The following TRAM2 variants were observed in gnomAD, a reference collection of about 807,000 sequenced individuals.
TRAM2 encodes translocation associated membrane protein 2.
Under a neutral mutation model 51.0 loss-of-function variants are expected in TRAM2, and 12 were observed. The observed-to-expected ratio is 0.24, with a 90% CI of 0.15 to 0.38. The LOEUF is 0.38. TRAM2 is among the 10% of genes least tolerant of loss of function. TRAM2 has a pLI of 1.00. For missense variants in TRAM2, 361 were observed against 462.0 expected (o/e 0.78, Z 2.00); for synonymous variants, 175 against 179.4 (o/e 0.98, Z 0.20).
chr6:52,539,107 C>T (rs1407013694), intron 1 of TRAM2, among the ~76,000 whole-genome samples: 3 of 152,230 alleles, frequency 2.0e-5, no homozygotes, highest in African/African-American at 7.2e-5. Context: ...CCATGAGGCA[C>T]ATCATAGTCA....
chr6:52,504,049 G>A (rs1410408885), intron 10 of TRAM2, among the ~76,000 whole-genome samples: 1 of 152,202 alleles, frequency 6.6e-6, no homozygotes, highest in Non-Finnish European at 1.5e-5. Context: ...CAGGGCCTGA[G>A]GACCTGCTGA....
rs372532134 is a variant in TRAM2 at position 52,567,472 on chromosome 6, T to C, written c.120+9324A>G. On this transcript the variant is annotated intron_variant, in intron 1 of 10. Coordinates refer to ENST00000182527, the MANE Select transcript of TRAM2 (RefSeq NM_012288.4). ...AATAAAATAAAACTCAATGGCCAAA[T>C]GGTTGAATAGTGTTGAATGTAGATA... Among the ~76,000 whole-genome samples the C allele has an allele frequency of 4.6e-5, 7 of 152,332 alleles. No individual in the cohort carries two copies. The East Asian group carries it at 1.3e-3, about 29-fold the overall frequency.
intron 2 of TRAM2, among the ~76,000 whole-genome samples, chr6:52,517,885 CG>C (rs1452694502): frequency 6.6e-6 from 1 of 152,046 alleles, no homozygotes; most frequent in Non-Finnish European, 1.5e-5. Flanking sequence ...GAGAATGTAA[CG>C]GTGGGCAGTG....
At chr6:52,520,678 C>T (rs1033446690) in intron 2 of TRAM2, among the ~76,000 whole-genome samples, 14 of 152,234 alleles carry the variant, frequency 9.2e-5, no homozygotes, top group Admixed American at 9.2e-4. Context: ...AGTTAAGGGA[C>T]ACAGTCCGTT....
chr6:52,550,954 C>T (rs1187956478), intron 1 of TRAM2, among the ~76,000 whole-genome samples: 2 of 152,186 alleles, frequency 1.3e-5, no homozygotes, highest in African/African-American at 4.8e-5. Context: ...GCAGACAAAT[C>T]GCCACTCTTT....
intron 1 of TRAM2, among the ~76,000 whole-genome samples, chr6:52,559,053 G>T (rs1767455190): frequency 6.6e-6 from 1 of 152,338 alleles, no homozygotes; most frequent in African/African-American, 2.4e-5. Context: ...TCTGTGGAAT[G>T]TTACTATACA....
intron 2 of TRAM2, among the ~76,000 whole-genome samples, chr6:52,531,236 T>G (rs917894487): frequency 2.6e-5 from 4 of 152,158 alleles, no homozygotes; most frequent in Non-Finnish European, 2.9e-5. Context: ...AAGTGTTTTT[T>G]CCCATGAGAA....
At position 52,497,931 on chromosome 6, in the gene TRAM2, T is replaced by G. The variant is rs564587199; in HGVS notation, c.*5266A>C. ...TCCTCTCCACGTGAACAAGTAGCTC[T>G]AGAGTGCTTTTAGGCAGAGTGACGG... On this transcript the variant is annotated 3_prime_UTR_variant, in exon 11 of 11. Coordinates refer to ENST00000182527, the MANE Select transcript of TRAM2 (RefSeq NM_012288.4). 1 of 152,358 alleles carries G rather than the reference T, an allele frequency of 6.6e-6. No individual in the cohort carries two copies. The highest frequency in any genetic ancestry group is 6.5e-5 in the Admixed American group (1 of 15,310). The allele number at this position is 152,358 out of a possible 1,614,324, so 9.4% of individuals were successfully genotyped here.
At chr6:52,536,428 C>T (rs1766978388) in intron 1 of TRAM2, among the ~76,000 whole-genome samples, 1 of 152,180 alleles carries the variant, frequency 6.6e-6, no homozygotes, top group Non-Finnish European at 1.5e-5. Context: ...CCTTTAAAAT[C>T]TTAGTTGTGC....
At chr6:52,506,768 C>G (rs1192115169) in intron 7 of TRAM2, among the ~76,000 whole-genome samples, 1 of 152,176 alleles carries the variant, frequency 6.6e-6, no homozygotes, top group Non-Finnish European at 1.5e-5. Context: ...CTACAGGCCA[C>G]CAGAGACAGG....
At chr6:52,516,461 T>C in intron 3 of TRAM2, 167 bp downstream of exon 3, 1 of 634,064 alleles carries the variant, frequency 1.6e-6, no homozygotes, top group Non-Finnish European at 2.8e-6. Flanking sequence ...AAGGAGGCTG[T>C]GAACAGAAAC....
chr6:52,503,930 A>G (rs986033830), intron 10 of TRAM2, among the ~76,000 whole-genome samples: 3 of 152,142 alleles, frequency 2.0e-5, no homozygotes, highest in African/African-American at 4.8e-5. Context: ...TGGTTCAAAC[A>G]CACATAAGCC....
chr6:52,505,977 G>T, intron 8 of TRAM2, 55 bp downstream of exon 8: 2 of 1,587,928 alleles, frequency 1.3e-6, no homozygotes, highest in South Asian at 1.1e-5. Context: ...TCCGGGCCTC[G>T]GGGGAACCCC....
intron 1 of TRAM2, among the ~76,000 whole-genome samples, chr6:52,540,358 T>C (rs1398948609): frequency 1.3e-5 from 2 of 152,000 alleles, no homozygotes; most frequent in African/African-American, 4.8e-5. Context: ...ACACAAAAAA[T>C]ATGCATTTTA....
intron 1 of TRAM2, among the ~76,000 whole-genome samples, chr6:52,563,882 T>G (rs1246488961): frequency 1.6e-5 from 2 of 126,222 alleles, no homozygotes; most frequent in African/African-American, 6.0e-5. Context: ...TGAATGTATC[T>G]CCTAATGGTA....
chr6:52,543,610 A>G (rs1016594106), intron 1 of TRAM2, among the ~76,000 whole-genome samples: 1 of 152,242 alleles, frequency 6.6e-6, no homozygotes, highest in East Asian at 1.9e-4. Flanking sequence ...AGATTAGGTA[A>G]TATTTTAGAC....
rs780476024 is a variant in TRAM2 at position 52,508,269 on chromosome 6, C to T, written c.520G>A (p.Ala174Thr). ...TTCTGGAAGTATAGCTCAGGAAGTGCGTGCAGCCAGTAGGCCAGCTGGCAT... is the reference window on the plus strand; with the variant it reads ...TTCTGGAAGTATAGCTCAGGAAGTGTGTGCAGCCAGTAGGCCAGCTGGCAT... ...YLCQLAYWLH[A>T]LPELYFQKVR... The change falls in exon 6 of 11, where the codon GCA becomes ACA. Residue 174 changes from alanine (A) to threonine (T), a missense_variant. Physicochemically the swap from Ala to Thr is moderately conservative, Grantham distance 58. Transcript: ENST00000182527. 11 of 1,614,044 alleles carry T rather than the reference C, an allele frequency of 6.8e-6. No individual in the cohort carries two copies. Among genetic ancestry groups the T allele is most frequent in the South Asian group, 1.1e-5 (1 of 91,066 alleles).
At position 52,520,949 on chromosome 6, in the gene TRAM2, C is replaced by A. The variant is rs565402821; in HGVS notation, c.185-4212G>T. Reference sequence around the variant, plus strand: ...TGTTTTGTTTTTTGAGACAGAGTCACCCAGGCTGGAGTGTAATGGCGCAGT... The same window carrying A: ...TGTTTTGTTTTTTGAGACAGAGTCAACCAGGCTGGAGTGTAATGGCGCAGT... On this transcript the variant is annotated intron_variant, in intron 2 of 10. Transcript: ENST00000182527. Among the ~76,000 whole-genome samples, 17 of 152,306 alleles carry A rather than the reference C, an allele frequency of 1.1e-4. No individual in the cohort carries two copies. The South Asian group carries it at 3.5e-3, about 32-fold the overall frequency.
chr6:52,537,324 G>C (rs752055176), intron 1 of TRAM2, among the ~76,000 whole-genome samples: 1 of 152,274 alleles, frequency 6.6e-6, no homozygotes, highest in Admixed American at 6.5e-5. Context: ...CTTTGGTCAA[G>C]ACCTTTTTCA....
Sources: allele counts gnomAD v4.1 joint callset (sites outside exome capture counted in the v4.1 genomes callset), GRCh38; gene constraint gnomAD v4.1.1; transcripts MANE v1.5; gene names NCBI Gene and HGNC (gene_info 2026-07-23, HGNC 2026-07-21).